POLQ: variants seen among roughly 807,000 people sequenced by gnomAD.
The protein encoded by POLQ is DNA polymerase theta.
A neutral mutation model predicts 259.2 loss-of-function variants in POLQ; 233 were observed. The ratio of observed to expected loss-of-function variants is 0.90; its 90% CI spans 0.81 to 1.00. The LOEUF is 1.00. Ranked by LOEUF, POLQ falls within the 50% of genes least tolerant of loss-of-function variation. POLQ has a pLI of 0.00. For synonymous variants in POLQ, 1,025 were observed against 1,048.8 expected, an observed-to-expected ratio of 0.98 and a Z score of 0.44; for missense variants, 2,871 against 3,051.6, an observed-to-expected ratio of 0.94 and a Z score of 1.39.
chr3:121,440,783 C>G (rs2047585287), intron 26 of POLQ, among the ~76,000 whole-genome samples: 1 of 152,146 alleles, frequency 6.6e-6, no homozygotes, highest in Non-Finnish European at 1.5e-5. Flanking sequence ...TCCCCTTTTA[C>G]TCTTTCATCT....
Position 121,544,776 on chromosome 3 carries a change from C to T in POLQ, c.294G>A (p.Glu98=). The T allele has an allele frequency of 5.0e-6, 8 of 1,613,630 alleles. No homozygotes were observed. Among genetic ancestry groups the T allele is most frequent in the Non-Finnish European group, 5.9e-6 (7 of 1,179,588 alleles). The change falls in exon 2 of 30, where the codon GAG becomes GAA. Residue 98 remains glutamate (E), a synonymous_variant. Transcript: ENST00000264233. ...GVKKMFEWQA[E]CLLLGQVLEG... ...CCAGGACTTGTCCAAGCAAAAGGCA[C>T]TCTGCCTGCCATTCAAACATCTTTT...
intron 14 of POLQ, among the ~76,000 whole-genome samples, chr3:121,495,115 T>C (rs1303955367): frequency 6.6e-6 from 1 of 151,972 alleles, no homozygotes; most frequent in African/African-American, 2.4e-5. Flanking sequence ...CTACTAAAAA[T>C]ACAAAATTAG....
chr3:121,529,734 A>G lies in POLQ; in HGVS notation c.1019T>C (p.Val340Ala). ...CYETICDNHSVLLFCPSKKWC... is the reference protein window; with the variant it reads ...CYETICDNHSALLFCPSKKWC... ...TTTCTTTGATGGACAAAAAAGTAAT[A>G]CTGAATGGTTATCACAAATCGTCTC... The change falls in exon 7 of 30, where the codon GTA becomes GCA. Residue 340 changes from valine to alanine, a missense_variant. Val to Ala is a moderately conservative substitution (Grantham distance 64, BLOSUM62 0). This residue lies in a region of POLQ where 783 missense variants were observed against 906.2 expected (regional missense o/e 0.86). Transcript: ENST00000264233. 1 of 1,611,802 alleles carries G rather than the reference A, an allele frequency of 6.2e-7. No homozygotes were observed.
Position 121,432,203 on chromosome 3 carries a change from G to T in POLQ, c.*101C>A. On this transcript the variant is annotated 3_prime_UTR_variant, in exon 30 of 30. Coordinates refer to ENST00000264233, the MANE Select transcript of POLQ (RefSeq NM_199420.4). ...TACTAGGCTAAGTCTATCAAGACTT[G>T]AAAGTTTGTTTTGCTGAGGTAGGTG... is the stretch of plus-strand genomic sequence containing the variant. The T allele has an allele frequency of 9.2e-7, 1 of 1,087,964 alleles. No individual in the cohort carries two copies. 67.4% of individuals were successfully genotyped at this position (1,087,964 alleles called of 1,614,324 possible). A position where few individuals can be genotyped will look rare whatever the true frequency, so the allele number is the denominator to read the frequency against.
At chr3:121,537,861 T>C (rs1183435491) in intron 4 of POLQ, among the ~76,000 whole-genome samples, 1 of 152,200 alleles carries the variant, frequency 6.6e-6, no homozygotes, top group Non-Finnish European at 1.5e-5. Flanking sequence ...TAATACACTA[T>C]ATAATACATT....
In POLQ at chr3:121,489,786, T is replaced by G; in HGVS notation, c.3145A>C (p.Lys1049Gln). Residue 1049 changes from lysine to glutamine, a missense_variant, in exon 16 of 30, where the codon AAG (lysine) becomes CAG (glutamine). By Grantham distance (53) the Lys-to-Gln change is moderately conservative (BLOSUM62 1). Coordinates refer to ENST00000264233, the MANE Select transcript of POLQ (RefSeq NM_199420.4). ...FRSWKRRKHLKRSRDSSPLKD... is the reference protein window; with the variant it reads ...FRSWKRRKHLQRSRDSSPLKD... ...AGGGGGCTGCTGTCCCTAGATCGCT[T>G]TAGATGCTTTCTACGTTTCCAAGAT... 1 of 1,612,910 alleles carries G rather than the reference T, an allele frequency of 6.2e-7. No homozygotes were observed. Among genetic ancestry groups the G allele is most frequent in the Non-Finnish European group, 8.5e-7 (1 of 1,179,884 alleles).
intron 3 of POLQ, among the ~76,000 whole-genome samples, chr3:121,541,095 G>T (rs149003604): frequency 6.6e-6 from 1 of 152,038 alleles, no homozygotes; most frequent in Non-Finnish European, 1.5e-5. Flanking sequence ...TGGCCAGGCT[G>T]GTCTCGATCT....
Position 121,534,293 on chromosome 3 carries a change from T to C in POLQ, c.741-1084A>G, listed in dbSNP as rs1303554813. 2.0e-5 allele frequency among the ~76,000 whole-genome samples: 3 copies of C among 152,146 alleles called. No homozygotes were observed. In the South Asian group the frequency reaches 6.2e-4, roughly 32 times the overall value. On this transcript the variant is annotated intron_variant, in intron 5 of 29. Transcript: ENST00000264233. ...GAATTTCCTCTTTCATTTTTTGCTC[T>C]GTTTTTATTAGTTTATCAAGCTTTC...
chr3:121,492,066 C>T (rs948592107), intron 15 of POLQ, among the ~76,000 whole-genome samples: 4 of 143,254 alleles, frequency 2.8e-5, no homozygotes, highest in African/African-American at 1.0e-4. Flanking sequence ...GAAAAATTGT[C>T]TTCCATGGGC....
At chr3:121,498,724 A>G (rs1411401805) in intron 12 of POLQ, 54 bp from the exon 13 acceptor site, 9 of 1,226,500 alleles carry the variant, frequency 7.3e-6, no homozygotes, top group Non-Finnish European at 1.0e-5. Context: ...ACAAAAAACC[A>G]TTATATACAA....
chr3:121,469,539 T>C (rs2047866579), intron 22 of POLQ, among the ~76,000 whole-genome samples: 1 of 152,206 alleles, frequency 6.6e-6, no homozygotes, highest in Non-Finnish European at 1.5e-5. Context: ...CAGTTAATGA[T>C]AACCTTTAAC....
In POLQ at chr3:121,432,298, G is replaced by A; in HGVS notation, c.*6C>T. ...CTTCCCTGGGAGGACTTCATCAACA[G>A]CACAGTTACACATCAAAGTCCTTTA... On this transcript the variant is annotated 3_prime_UTR_variant, in exon 30 of 30. Transcript: ENST00000264233. 6.3e-7 allele frequency: 1 copy of A among 1,588,422 alleles called. No homozygotes were observed. Among genetic ancestry groups the A allele is most frequent in the Non-Finnish European group, 8.5e-7 (1 of 1,169,952 alleles).
chr3:121,521,020 A>G (rs1443833850), intron 8 of POLQ, among the ~76,000 whole-genome samples: 1 of 152,218 alleles, frequency 6.6e-6, no homozygotes, highest in African/African-American at 2.4e-5. Flanking sequence ...ATGGGTACAC[A>G]GGTGTTCACT....
chr3:121,447,269 C>T (rs1334786519), intron 26 of POLQ, among the ~76,000 whole-genome samples: 1 of 149,178 alleles, frequency 6.7e-6, no homozygotes. Flanking sequence ...CTCCTGGGTT[C>T]AAGCGATTCT....
At chr3:121,468,529 T>C in intron 22 of POLQ, 98 bp from the exon 23 acceptor site, 1 of 763,988 alleles carries the variant, frequency 1.3e-6, no homozygotes, top group South Asian at 1.8e-5. Context: ...AAATGCAGAC[T>C]ATCAATGCTG....
Position 121,466,657 on chromosome 3 carries a change from T to C in POLQ, c.6967+862A>G, listed in dbSNP as rs151315754. Among the ~76,000 whole-genome samples, 97 of 147,890 alleles carry C rather than the reference T, an allele frequency of 6.6e-4. No homozygotes were observed. The East Asian group carries it at 0.015, about 23-fold the overall frequency. ...CTGAGCCGAGATCACGCCATTGCAC[T>C]CCAGCCTGGGCAACAAGAGGGAAAC... On this transcript the variant is annotated intron_variant, in intron 24 of 29. Coordinates refer to ENST00000264233, the MANE Select transcript of POLQ (RefSeq NM_199420.4).
rs758931597 is a variant in POLQ at position 121,496,791 on chromosome 3, C to A, written c.2278+17G>T. 3 of 1,594,252 alleles carry A rather than the reference C, an allele frequency of 1.9e-6. No homozygotes were observed. Among genetic ancestry groups the A allele is most frequent in the Non-Finnish European group, 2.6e-6 (3 of 1,174,994 alleles). ...ATCACAGTATTAAATAAATGTGAAA[C>A]CCTTTGTTTAACTGACCTGCATAAA... is the stretch of plus-strand genomic sequence containing the variant. On this transcript the variant is annotated intron_variant, in intron 14 of 29. Coordinates refer to ENST00000264233, the MANE Select transcript of POLQ (RefSeq NM_199420.4).
intron 2 of POLQ, among the ~76,000 whole-genome samples, 179 bp from the exon 3 acceptor site, chr3:121,541,658 TAA>T (rs1345153469): frequency 1.3e-5 from 2 of 152,234 alleles, no homozygotes. Context: ...CCACCTGTCT[TAA>T]TAGTCTCAAC....
At chr3:121,458,035 C>T (rs1314951566) in intron 25 of POLQ, among the ~76,000 whole-genome samples, 2 of 152,160 alleles carry the variant, frequency 1.3e-5, no homozygotes, top group African/African-American at 4.8e-5. Context: ...CACATATACA[C>T]CATGGAATAC....
Sources: gnomAD v4.1 joint callset for allele counts (sites outside exome capture counted in the v4.1 genomes callset) on GRCh38, gnomAD v4.1.1 for gene constraint, gnomAD v4.1.1 regional missense constraint, MANE v1.5 for transcripts, NCBI Gene and HGNC (gene_info 2026-07-23, HGNC 2026-07-21) for gene names.